The following DSE variants were observed in gnomAD, a reference collection of about 807,000 sequenced individuals.
DSE encodes dermatan-sulfate epimerase.
In DSE, 36 loss-of-function variants were observed where a neutral mutation model predicts 84.4. The observed-to-expected ratio is 0.43, with a 90% confidence interval of 0.33 to 0.56. The LOEUF is 0.56. DSE is among the 20% of genes least tolerant of loss of function. The probability of loss-of-function intolerance (pLI) is 0.06; values close to 1 mark genes in which losing one functional copy is unlikely to be tolerated. For synonymous variants in DSE, 410 were observed against 430.1 expected, an observed-to-expected ratio of 0.95 and a Z score of 0.58; for missense variants, 862 against 1,169.6, an observed-to-expected ratio of 0.74 and a Z score of 3.84.
Position 116,433,464 on chromosome 6 carries a change from C to A in DSE, c.1032C>A (p.Asp344Glu). 3 of 1,555,424 alleles carry A rather than the reference C, an allele frequency of 1.9e-6. No homozygotes were observed. Among genetic ancestry groups the A allele is most frequent in the Non-Finnish European group, 2.6e-6 (3 of 1,148,816 alleles). The part of the protein sequence containing the change: ...MRNGSGNWLA[D>E]QIRRNRVVEG... ...ATGGCAGTGGTAACTGGCTAGCTGA[C>A]CAAATCAGAAGGAACCGTGTGGTGG... is the stretch of plus-strand genomic sequence containing the variant. The change falls in exon 5 of 6, where the codon GAC becomes GAA. Residue 344 changes from aspartate (D) to glutamate (E), a missense_variant. Physicochemically the swap from Asp to Glu is conservative, Grantham distance 45 (BLOSUM62 2). Around this residue, in one of 4 missense-constraint regions of DSE, gnomAD observed 309 missense variants for 516.9 expected, o/e 0.60. Transcript: ENST00000644252.
Position 116,430,909 on chromosome 6 carries a change from T to C in DSE, c.671-45T>C, listed in dbSNP as rs201359410. On this transcript the variant is annotated intron_variant, in intron 3 of 5. Coordinates refer to ENST00000644252, the MANE Select transcript of DSE (RefSeq NM_013352.4). ...ATTGGCCATATTTTTGTTTATGCTT[T>C]GTCACAGGCTTTAGTCATTGCTTCC... 65 of 1,597,494 alleles carry C rather than the reference T, an allele frequency of 4.1e-5. No homozygotes were observed. The African/African-American group carries it at 8.2e-4, about 20-fold the overall frequency.
chr6:116,291,685 T>G (rs1220368109), intron 2 of DSE, among the ~76,000 whole-genome samples: 1 of 152,200 alleles, frequency 6.6e-6, no homozygotes, highest in Non-Finnish European at 1.5e-5. Context: ...AAAATAATAT[T>G]AATTGCCATA....
At position 116,433,432 on chromosome 6, in the gene DSE, A is replaced by G. The variant is rs1167331467; in HGVS notation, c.1000A>G (p.Met334Val). Residue 334 changes from methionine to valine, a missense_variant, in exon 5 of 6, where the codon ATG becomes GTG. This residue lies in a region of DSE where 309 missense variants were observed against 516.9 expected (regional missense o/e 0.60). Transcript: ENST00000644252. ...SQLVFLDKFVMRNGSGNWLAD... is the reference protein window; with the variant it reads ...SQLVFLDKFVVRNGSGNWLAD... ...ATTAGTGTTCCTTGATAAATTTGTC[A>G]TGCGTAATGGCAGTGGTAACTGGCT... is the stretch of plus-strand genomic sequence containing the variant. 1.9e-6 allele frequency: 3 copies of G among 1,551,844 alleles called. No homozygotes were observed. The highest frequency in any genetic ancestry group is 1.4e-5 in the African/African-American group (1 of 73,066).
intron 2 of DSE, among the ~76,000 whole-genome samples, chr6:116,342,476 T>TCA (rs986770870): frequency 2.0e-4 from 30 of 152,176 alleles, no homozygotes; most frequent in African/African-American, 7.2e-4. Flanking sequence ...GAGATGGGTT[T>TCA]CACCATGTTG....
chr6:116,340,243 C>T (rs1777508457), intron 2 of DSE, among the ~76,000 whole-genome samples: 1 of 151,992 alleles, frequency 6.6e-6, no homozygotes, highest in Admixed American at 6.6e-5. Flanking sequence ...CTCTTGTTTC[C>T]TTCTGGAGCT....
intron 2 of DSE, among the ~76,000 whole-genome samples, chr6:116,315,730 G>A (rs528511102): frequency 2.6e-5 from 4 of 152,284 alleles, no homozygotes; most frequent in South Asian, 2.1e-4. Context: ...GGCTGGGCAC[G>A]GTGGCTCACG....
At chr6:116,297,316 T>C (rs1462200588) in intron 2 of DSE, among the ~76,000 whole-genome samples, 1 of 152,178 alleles carries the variant, frequency 6.6e-6, no homozygotes, top group Non-Finnish European at 1.5e-5. Context: ...ATTCATGTTC[T>C]ACACCATCTC....
chr6:116,406,288 G>A (rs949439999), intron 2 of DSE, among the ~76,000 whole-genome samples: 6 of 152,118 alleles, frequency 3.9e-5, no homozygotes, highest in African/African-American at 1.2e-4. Flanking sequence ...TTTAATTGGG[G>A]TATAAATCAG....
At chr6:116,372,817 A>G (rs1779687981) in intron 1 of DSE, among the ~76,000 whole-genome samples, 1 of 152,200 alleles carries the variant, frequency 6.6e-6, no homozygotes, top group Admixed American at 6.5e-5. Context: ...TACCTAGGTT[A>G]CATACACAGG....
At chr6:116,388,495 G>A (rs933280606) in intron 1 of DSE, among the ~76,000 whole-genome samples, 3 of 152,114 alleles carry the variant, frequency 2.0e-5, no homozygotes, top group Non-Finnish European at 4.4e-5. Flanking sequence ...ATCACAACTG[G>A]TAAGAAAAGA....
chr6:116,336,247 GA>G (rs1213205795), intron 2 of DSE, among the ~76,000 whole-genome samples: 1 of 152,202 alleles, frequency 6.6e-6, no homozygotes, highest in African/African-American at 2.4e-5. Flanking sequence ...GACATAGACA[GA>G]ATCTAAATAG....
intron 2 of DSE, among the ~76,000 whole-genome samples, chr6:116,344,315 T>A (rs1179062711): frequency 6.6e-6 from 1 of 152,096 alleles, no homozygotes; most frequent in Non-Finnish European, 1.5e-5. Flanking sequence ...GAAGAGCAAC[T>A]CCAAGACACA....
At chr6:116,292,400 C>T (rs1398178037) in intron 2 of DSE, among the ~76,000 whole-genome samples, 1 of 152,076 alleles carries the variant, frequency 6.6e-6, no homozygotes, top group Non-Finnish European at 1.5e-5. Context: ...AATTGGGCGG[C>T]AGCTATACAG....
chr6:116,364,736 AT>A (rs1319615252), intron 2 of DSE, among the ~76,000 whole-genome samples: 2 of 152,024 alleles, frequency 1.3e-5, no homozygotes, highest in African/African-American at 4.8e-5. Context: ...TCTTCACAAT[AT>A]TTTATATAAT....
At position 116,426,759 on chromosome 6, in the gene DSE, A is replaced by T; in HGVS notation, c.602A>T (p.Tyr201Phe). The change falls in exon 3 of 6, where the codon TAC (tyrosine) becomes TTC (phenylalanine). Residue 201 changes from tyrosine to phenylalanine, a missense_variant. By Grantham distance (22) the Tyr-to-Phe change is conservative. This residue lies in a region of DSE where 309 missense variants were observed against 516.9 expected (regional missense o/e 0.60). Transcript: ENST00000644252. ...TSYRRGWGFQ[Y>F]LHNHQPTNCM... ...TACAGGAGAGGATGGGGATTTCAAT[A>T]CCTGCACAATCATCAGCCCACCAAC... 6.2e-7 allele frequency: 1 copy of T among 1,614,186 alleles called. No homozygotes were observed. Among genetic ancestry groups the T allele is most frequent in the Non-Finnish European group, 8.5e-7 (1 of 1,180,028 alleles).
chr6:116,389,295 C>G (rs2027850), intron 1 of DSE, among the ~76,000 whole-genome samples: 41,528 of 151,858 alleles, frequency 0.27, 7,099 homozygotes, highest in Non-Finnish European at 0.38. Context: ...TGTGATGATG[C>G]TAGGATTCAA....
rs1218551590 is a variant in DSE at position 116,438,269 on chromosome 6, A to G, written c.*924A>G. ...AAGTTTATTTTCCTAAATAAACATC[A>G]TAATTGTGAATTTTCTCTAGTATTC... On this transcript the variant is annotated 3_prime_UTR_variant, in exon 6 of 6. Coordinates refer to ENST00000644252, the MANE Select transcript of DSE (RefSeq NM_013352.4). 1 of 152,576 alleles carries G rather than the reference A, an allele frequency of 6.6e-6. No individual in the cohort carries two copies. The highest frequency in any genetic ancestry group is 1.5e-5 in the Non-Finnish European group (1 of 67,978). 9.5% of individuals were successfully genotyped at this position (152,576 alleles called of 1,614,324 possible).
chr6:116,435,559 C>T, intron 5 of DSE, 28 bp from the exon 6 acceptor site: 1 of 1,540,292 alleles, frequency 6.5e-7, no homozygotes, highest in South Asian at 1.3e-5. Context: ...CATCAGAAAA[C>T]CATTTAATTT....
At chr6:116,370,889 G>C, upstream of DSE, 1 of 985,634 alleles carries the variant, frequency 1.0e-6, no homozygotes. Flanking sequence ...AGCGCCCGCC[G>C]CGTCCCTCCC....
Sources: allele counts gnomAD v4.1 joint callset (sites outside exome capture counted in the v4.1 genomes callset), GRCh38; gene constraint gnomAD v4.1.1; regional missense constraint gnomAD v4.1.1; transcripts MANE v1.5; gene names NCBI Gene and HGNC (gene_info 2026-07-23, HGNC 2026-07-21).